KMT5B: variants seen among roughly 807,000 people sequenced by gnomAD.
KMT5B encodes the protein histone-lysine N-methyltransferase KMT5B.
KMT5B carries 10 observed loss-of-function variants against 83.2 expected under a neutral mutation model. That is an observed-to-expected ratio of 0.12 (90% CI 0.07 to 0.20). The LOEUF is 0.20. KMT5B is among the 10% of genes least tolerant of loss of function. KMT5B has a pLI of 1.00. For synonymous variants in KMT5B, 349 were observed against 388.8 expected, an observed-to-expected ratio of 0.90 and a Z score of 1.20; for missense variants, 753 against 1,067.2, an observed-to-expected ratio of 0.71 and a Z score of 4.10.
chr11:68,177,699 C>T (rs1319189388), intron 4 of KMT5B, among the ~76,000 whole-genome samples: 1 of 152,062 alleles, frequency 6.6e-6, no homozygotes, highest in African/African-American at 2.4e-5. Flanking sequence ...CCCTATTTTC[C>T]ATTTTCAATC....
Position 68,171,812 on chromosome 11 carries a change from CCTAG to C in KMT5B, c.654-107_654-104del. On this transcript the variant is annotated intron_variant, in intron 6 of 10. Transcript: ENST00000304363. This position sits in a 1 kb window ranked among gnomAD's most constrained non-coding sequence, Gnocchi z 5.1. Reference sequence around the variant, plus strand: ...CAATAAATATCAGAAACTGAAAAGGCCTAGCTGTCTATACTTTAGTTAGCTCACT... The same window carrying C: ...CAATAAATATCAGAAACTGAAAAGGCCTGTCTATACTTTAGTTAGCTCACT... 1.0e-6 allele frequency: 1 copy of C among 975,710 alleles called. No homozygotes were observed. The highest frequency in any genetic ancestry group is 1.5e-6 in the Non-Finnish European group (1 of 663,844). 60.4% of individuals were successfully genotyped at this position (975,710 alleles called of 1,614,324 possible). A position where few individuals can be genotyped will look rare whatever the true frequency, so the allele number is the denominator to read the frequency against.
chr11:68,203,762 A>G (rs1859736737), intron 1 of KMT5B, among the ~76,000 whole-genome samples: 1 of 152,208 alleles, frequency 6.6e-6, no homozygotes, highest in East Asian at 1.9e-4. Context: ...GGGTGTTAGT[A>G]TTATGAAAAG....
intron 3 of KMT5B, among the ~76,000 whole-genome samples, chr11:68,181,791 T>C (rs562569830): frequency 4.6e-5 from 7 of 152,322 alleles, no homozygotes; most frequent in South Asian, 2.1e-4. Context: ...ACCAAGATTA[T>C]TGTAAAGGTC....
At position 68,166,118 on chromosome 11, in the gene KMT5B, TTC is replaced by T. The variant is rs140318482; in HGVS notation, c.1174+862_1174+863del. 5,259 of 1,442,672 alleles carry T rather than the reference TTC, an allele frequency of 3.6e-3. 98 individuals are homozygous for T. In the African/African-American group the frequency reaches 0.049, roughly 13 times the overall value. The allele number at this position is 1,442,672 out of a possible 1,614,324, so 89.4% of individuals were successfully genotyped here. ...AATCGCCAAGTCAAAACTTTCTAAC[TTC>T]TGTCTCTCTCAGAGACAAGTGAGAC... On this transcript the variant is annotated intron_variant, in intron 10 of 10. Coordinates refer to ENST00000304363, the MANE Select transcript of KMT5B (RefSeq NM_017635.5).
In KMT5B at chr11:68,190,051, T is replaced by G. The variant is rs2512606; in HGVS notation, c.26A>C (p.Asn9Thr). Residue 9 changes from asparagine to threonine, a missense_variant, in exon 2 of 11, where the codon AAC (asparagine) becomes ACC (threonine). By Grantham distance (65) the Asn-to-Thr change is moderately conservative (BLOSUM62 0). Transcript: ENST00000304363. The stretch of plus-strand genomic sequence containing the variant: ...ATTTCTCCTGCCATTCACCACCATG[T>G]TCTTGGATTCTCCCAACCACTTCAT... MKWLGESK[N>T]MVVNGRRNGG... 9 of 1,613,996 alleles carry G rather than the reference T, an allele frequency of 5.6e-6. No homozygotes were observed. Among genetic ancestry groups the G allele is most frequent in the Non-Finnish European group, 6.8e-6 (8 of 1,180,002 alleles).
chr11:68,191,022 A>G (rs188583825), intron 1 of KMT5B, among the ~76,000 whole-genome samples: 3 of 152,332 alleles, frequency 2.0e-5, no homozygotes, highest in African/African-American at 4.8e-5. Flanking sequence ...GTTTTGAGAC[A>G]GTCTCACTCT....
chr11:68,177,587 ATTT>A (rs757780614), intron 4 of KMT5B, among the ~76,000 whole-genome samples: 1 of 150,102 alleles, frequency 6.7e-6, no homozygotes, highest in Non-Finnish European at 1.5e-5. Flanking sequence ...CACTCTAGTC[ATTT>A]TTTTTTTAAT....
At chr11:68,175,307 T>C in intron 4 of KMT5B, 124 bp from the exon 5 acceptor site, 3 of 669,754 alleles carry the variant, frequency 4.5e-6, no homozygotes, top group Non-Finnish European at 7.4e-6. Context: ...AGCAAAGATC[T>C]AAGAGAAGAG....
chr11:68,185,015 A>C (rs1857299746), intron 3 of KMT5B, among the ~76,000 whole-genome samples: 1 of 152,210 alleles, frequency 6.6e-6, no homozygotes, highest in African/African-American at 2.4e-5. Flanking sequence ...CTCTTAAATA[A>C]TTAGCTGAAT....
chr11:68,178,008 C>G (rs1489709126), intron 4 of KMT5B, among the ~76,000 whole-genome samples: 1 of 152,184 alleles, frequency 6.6e-6, no homozygotes, highest in East Asian at 1.9e-4. Flanking sequence ...AAGGCATGAC[C>G]TGTCGAGCAA....
intron 4 of KMT5B, chr11:68,179,482 C>G (rs1856709544): frequency 1.5e-6 from 2 of 1,304,180 alleles, no homozygotes; most frequent in African/African-American, 3.0e-5. Flanking sequence ...GTTCCCCACT[C>G]TTTCCAGAGA....
intron 10 of KMT5B, among the ~76,000 whole-genome samples, chr11:68,159,862 TCCCTTCAGTGA>T: frequency 6.6e-6 from 1 of 152,290 alleles, no homozygotes; most frequent in East Asian, 1.9e-4. Flanking sequence ...CTCAGCCCCA[TCCCTTCAGTGA>T]CGGCCAGATG....
intron 1 of KMT5B, among the ~76,000 whole-genome samples, chr11:68,203,366 A>C (rs1304266098): frequency 6.6e-6 from 1 of 152,232 alleles, no homozygotes; most frequent in African/African-American, 2.4e-5. Flanking sequence ...CAACTGCTAC[A>C]CATAAGCAGA....
At chr11:68,176,142 T>C (rs529085939) in intron 4 of KMT5B, among the ~76,000 whole-genome samples, 20 of 152,312 alleles carry the variant, frequency 1.3e-4, no homozygotes, top group African/African-American at 4.8e-4. Flanking sequence ...TAACCTCAAG[T>C]GGTCTGCCCA....
At chr11:68,186,214 C>T (rs1857424663) in intron 2 of KMT5B, among the ~76,000 whole-genome samples, 1 of 152,148 alleles carries the variant, frequency 6.6e-6, no homozygotes, top group South Asian at 2.1e-4. Context: ...CTCCCCCACC[C>T]CCTTCTCTCC....
At chr11:68,165,620 C>A in intron 10 of KMT5B, 2 of 734,630 alleles carry the variant, frequency 2.7e-6, no homozygotes, top group Non-Finnish European at 3.7e-6. Flanking sequence ...TACAGGTGTG[C>A]CACCATGCCT....
In KMT5B at chr11:68,167,135, G is replaced by A; in HGVS notation, c.1021C>T (p.Pro341Ser). Residue 341 changes from proline to serine, a missense_variant, in exon 10 of 11, where the codon CCT becomes TCT. Physicochemically the swap from Pro to Ser is moderately conservative, Grantham distance 74 (BLOSUM62 -1). Transcript: ENST00000304363. ...AFKSRVGLPAPAPVINSKYGL... is the reference protein window; with the variant it reads ...AFKSRVGLPASAPVINSKYGL... ...TATTTGCTATTGATAACAGGAGCAG[G>A]CGCAGGCAGTCCCACTCTGGATTTA... 1 of 1,613,708 alleles carries A rather than the reference G, an allele frequency of 6.2e-7. No individual in the cohort carries two copies. Among genetic ancestry groups the A allele is most frequent in the Non-Finnish European group, 8.5e-7 (1 of 1,179,838 alleles).
rs779506371 is a variant in KMT5B, at chr11:68,171,937, G to A, written c.654-228C>T. On this transcript the variant is annotated intron_variant, in intron 6 of 10. Coordinates refer to ENST00000304363, the MANE Select transcript of KMT5B (RefSeq NM_017635.5). The surrounding 1 kb of genome is among the most constrained non-coding windows in gnomAD (Gnocchi z 5.1). ...CCTATCTTATTCCTGCAAGAGAATG[G>A]AAACTCAACCAGGACAGGGACTATG... 6.6e-6 allele frequency among the ~76,000 whole-genome samples: 1 copy of A among 152,114 alleles called. No individual in the cohort carries two copies. The highest frequency in any genetic ancestry group is 1.5e-5 in the Non-Finnish European group (1 of 68,018).
chr11:68,196,918 T>G (rs1161169062), intron 1 of KMT5B, among the ~76,000 whole-genome samples: 1 of 152,072 alleles, frequency 6.6e-6, no homozygotes, highest in Non-Finnish European at 1.5e-5. Flanking sequence ...AAAGCATAAT[T>G]ATATGAAATA....
Sources: allele counts gnomAD v4.1 joint callset (sites outside exome capture counted in the v4.1 genomes callset), GRCh38; gene constraint gnomAD v4.1.1; non-coding constraint Gnocchi (gnomAD v3.1); transcripts MANE v1.5; gene names NCBI Gene and HGNC (gene_info 2026-07-23, HGNC 2026-07-21).